The following ATOSA variants were observed in gnomAD, a reference collection of about 807,000 sequenced individuals.
The protein encoded by ATOSA is atos homolog protein A.
the ATOSA span, chr15:52,610,403 T>C: frequency 9.5e-6 from 15 of 1,581,764 alleles, no homozygotes; most frequent in African/African-American, 2.7e-5. Context: ...CACAGAAAAA[T>C]ACTGTATTAT....
the ATOSA span, chr15:52,593,717 C>T: frequency 6.4e-7 from 1 of 1,554,152 alleles, no homozygotes; most frequent in East Asian, 2.4e-5. Flanking sequence ...AGGATCGAAA[C>T]GATAGTTCAA....
At chr15:52,617,366 C>T in the ATOSA span, among the ~76,000 whole-genome samples, 1 of 152,272 alleles carries the variant, frequency 6.6e-6, no homozygotes, top group East Asian at 1.9e-4. Flanking sequence ...AGGACCTGAA[C>T]ATGCTGGCCC....
the ATOSA span, among the ~76,000 whole-genome samples, chr15:52,601,336 T>C: frequency 1.3e-5 from 2 of 152,296 alleles, no homozygotes; most frequent in African/African-American, 4.8e-5. Flanking sequence ...TCTTATGTTA[T>C]TTTATTAGTG....
the ATOSA span, among the ~76,000 whole-genome samples, chr15:52,687,233 A>T: frequency 6.6e-6 from 1 of 152,100 alleles, no homozygotes; most frequent in Non-Finnish European, 1.5e-5. Context: ...GTGAAACCCC[A>T]TCTCCACTAC....
chr15:52,695,709 T>G, the ATOSA span, among the ~76,000 whole-genome samples: 2 of 151,980 alleles, frequency 1.3e-5, no homozygotes, highest in South Asian at 4.1e-4. Flanking sequence ...GCAGAATAAG[T>G]GGGATTTGGG....
chr15:52,597,165 GTTCTA>G, the ATOSA span, among the ~76,000 whole-genome samples: 1,612 of 23,912 alleles, frequency 0.067, 8 homozygotes, highest in Middle Eastern at 0.074. Context: ...GTTCTGTTCT[GTTCTA>G]TTCTATTCTA....
the ATOSA span, chr15:52,658,123 T>A: frequency 6.6e-6 from 1 of 152,192 alleles, no homozygotes; most frequent in Non-Finnish European, 1.5e-5. Flanking sequence ...GGAAGCACAA[T>A]AGCTGAAATT....
At chr15:52,680,086 A>G in the ATOSA span, among the ~76,000 whole-genome samples, 2 of 151,736 alleles carry the variant, frequency 1.3e-5, no homozygotes, top group African/African-American at 2.4e-5. Flanking sequence ...CTTCTAAAAC[A>G]CTGACTCATG....
chr15:52,593,811 T>C, the ATOSA span: 8 of 1,373,128 alleles, frequency 5.8e-6, no homozygotes, highest in African/African-American at 1.5e-5. Context: ...TAAAGAAATA[T>C]ACACTTAGTC....
the ATOSA span, among the ~76,000 whole-genome samples, chr15:52,668,374 G>A: frequency 2.8e-3 from 421 of 152,284 alleles, 6 homozygotes; most frequent in African/African-American, 9.7e-3. Flanking sequence ...TAGAAGTAGC[G>A]AGTAGAACAG....
the ATOSA span, among the ~76,000 whole-genome samples, chr15:52,645,535 T>A: frequency 6.6e-6 from 1 of 152,216 alleles, no homozygotes; most frequent in Non-Finnish European, 1.5e-5. Flanking sequence ...GAACTCAATC[T>A]TGGACATCAG....
chr15:52,585,068 TTTCAA>T, the ATOSA span: 3 of 669,960 alleles, frequency 4.5e-6, no homozygotes, highest in Non-Finnish European at 7.0e-6. Flanking sequence ...TATAATTCAG[TTTCAA>T]GGACTAAAAT....
At chr15:52,645,849 T>C in the ATOSA span, among the ~76,000 whole-genome samples, 24 of 152,174 alleles carry the variant, frequency 1.6e-4, no homozygotes, top group Non-Finnish European at 2.5e-4. Flanking sequence ...TGAGAAAACA[T>C]TGTAACAAAA....
the ATOSA span, among the ~76,000 whole-genome samples, chr15:52,641,806 T>G: frequency 6.6e-6 from 1 of 152,248 alleles, no homozygotes; most frequent in East Asian, 1.9e-4. Context: ...AGTTTCATAT[T>G]GCTCTGTTTC....
chr15:52,678,306 C>A, the ATOSA span: 1 of 587,720 alleles, frequency 1.7e-6, no homozygotes, highest in Non-Finnish European at 3.0e-6. Flanking sequence ...CACCCCCTTC[C>A]CTGCCTCTGT....
chr15:52,702,779 C>CAAAAAAAA, the ATOSA span, among the ~76,000 whole-genome samples: 5 of 91,876 alleles, frequency 5.4e-5, no homozygotes, highest in African/African-American at 8.1e-5. Context: ...AAAGTGTTTC[C>CAAAAAAAA]AAAAAAAAAA....
At chr15:52,585,134 A>C in the ATOSA span, 1 of 486,158 alleles carries the variant, frequency 2.1e-6, no homozygotes. Flanking sequence ...AAAAGGTTCA[A>C]TTTTTTGTTT....
chr15:52,655,185 A>G, the ATOSA span, among the ~76,000 whole-genome samples: 1 of 152,180 alleles, frequency 6.6e-6, no homozygotes, highest in African/African-American at 2.4e-5. Context: ...TTTCTTACAT[A>G]TGTTACTTAC....
the ATOSA span, among the ~76,000 whole-genome samples, chr15:52,602,862 T>C: frequency 6.6e-6 from 1 of 152,252 alleles, no homozygotes; most frequent in Non-Finnish European, 1.5e-5. Context: ...AACTGAACCC[T>C]AGTGCTATTT....
Sources: gnomAD v4.1 joint callset for allele counts (sites outside exome capture counted in the v4.1 genomes callset) on GRCh38, gnomAD v4.1.1 for gene constraint, MANE v1.5 for transcripts, NCBI Gene and HGNC (gene_info 2026-07-23, HGNC 2026-07-21) for gene names.